The following TENM4 variants were observed in gnomAD, a reference collection of about 807,000 sequenced individuals.
TENM4 encodes the protein teneurin-4.
In TENM4, 82 loss-of-function variants were observed where a neutral mutation model predicts 243.3. That is an observed-to-expected ratio of 0.34 (90% CI 0.28 to 0.40). The LOEUF (loss-of-function observed/expected upper bound fraction) is 0.40. Ranked by LOEUF, TENM4 falls within the 10% of genes least tolerant of loss-of-function variation. The pLI, the probability that TENM4 is intolerant of heterozygous loss-of-function variation, is 1.00. For missense variants in TENM4, 3,138 were observed against 3,673.3 expected, an observed-to-expected ratio of 0.85 and a Z score of 3.77; for synonymous variants, 1,412 against 1,456.3, an observed-to-expected ratio of 0.97 and a Z score of 0.69.
chr11:78,751,899 A>G (rs1440464946), intron 19 of TENM4, among the ~76,000 whole-genome samples: 5 of 152,166 alleles, frequency 3.3e-5, no homozygotes, highest in Non-Finnish European at 7.3e-5. Context: ...CTAAGTGTCA[A>G]TAGTGGACAC....
chr11:79,271,915 CCA>C (rs989365783), intron 2 of TENM4, among the ~76,000 whole-genome samples: 1 of 152,154 alleles, frequency 6.6e-6, no homozygotes, highest in African/African-American at 2.4e-5. Flanking sequence ...CTGCTGTGTA[CCA>C]GAGACTATGT....
intron 15 of TENM4, among the ~76,000 whole-genome samples, chr11:78,791,113 G>A (rs1485101844): frequency 6.6e-6 from 1 of 152,134 alleles, no homozygotes; most frequent in Non-Finnish European, 1.5e-5. Context: ...TACAGCTTGG[G>A]AGTGCTTGGA....
chr11:78,987,557 T>C (rs905705539), intron 6 of TENM4, among the ~76,000 whole-genome samples: 11 of 152,246 alleles, frequency 7.2e-5, no homozygotes, highest in Admixed American at 4.6e-4. Flanking sequence ...ATTTGGGCTA[T>C]GGCTGCAGGG....
chr11:78,888,164 C>A (rs1020158639), intron 9 of TENM4, among the ~76,000 whole-genome samples: 1 of 152,180 alleles, frequency 6.6e-6, no homozygotes, highest in South Asian at 2.1e-4. Context: ...ATACAATGAC[C>A]CATAGCAGGG....
At chr11:79,351,218 C>T (rs1590901294) in intron 1 of TENM4, among the ~76,000 whole-genome samples, 1 of 152,192 alleles carries the variant, frequency 6.6e-6, no homozygotes, top group South Asian at 2.1e-4. Context: ...TCATCACAAC[C>T]TTCCTTATTT....
chr11:78,838,351 T>G (rs1226328983), intron 12 of TENM4, among the ~76,000 whole-genome samples: 4 of 152,188 alleles, frequency 2.6e-5, no homozygotes, highest in African/African-American at 9.7e-5. Context: ...TATATTTTCT[T>G]ACTCTGTGAT....
chr11:79,138,362 A>G lies in TENM4; in HGVS notation c.-66+10348T>C, dbSNP rs1862159033. Among the ~76,000 whole-genome samples, 3 of 124,532 alleles carry G rather than the reference A, an allele frequency of 2.4e-5. No individual in the cohort carries two copies. In the Admixed American group the frequency reaches 3.1e-4, roughly 13 times the overall value. 81.7% of individuals were successfully genotyped at this position (124,532 alleles called of 152,430 possible). Reference sequence around the variant, plus strand: ...TATAATATATAAAAATATATAATATATAATATAAATATAATATATATTATA... The same window carrying G: ...TATAATATATAAAAATATATAATATGTAATATAAATATAATATATATTATA... On this transcript the variant is annotated intron_variant, in intron 4 of 33. Transcript: ENST00000278550.
chr11:78,655,456 C>T lies in TENM4; in HGVS notation c.*2602G>A, dbSNP rs1010792199. 5 of 151,614 alleles carry T rather than the reference C, an allele frequency of 3.3e-5. No homozygotes were observed. The highest frequency in any genetic ancestry group is 1.3e-4 in the Admixed American group (2 of 15,214). 9.4% of individuals were successfully genotyped at this position (151,614 alleles called of 1,614,324 possible). On this transcript the variant is annotated 3_prime_UTR_variant, in exon 34 of 34. Transcript: ENST00000278550. ...AGCACTTCAGGAGGCCAAGGTGGATCGCCTGAGGCCAGGAGTTTGAGAACA... is the reference window on the plus strand; with the variant it reads ...AGCACTTCAGGAGGCCAAGGTGGATTGCCTGAGGCCAGGAGTTTGAGAACA...
chr11:78,877,563 A>G (rs919286097), intron 9 of TENM4, among the ~76,000 whole-genome samples: 1 of 152,192 alleles, frequency 6.6e-6, no homozygotes, highest in African/African-American at 2.4e-5. Flanking sequence ...TCCCTGGGCA[A>G]TGTTGTAAAA....
chr11:79,296,183 C>G (rs1856450097), intron 2 of TENM4, among the ~76,000 whole-genome samples: 1 of 152,184 alleles, frequency 6.6e-6, no homozygotes, highest in Admixed American at 6.5e-5. Flanking sequence ...AGCATAGCCT[C>G]TAATCCACAG....
intron 32 of TENM4, among the ~76,000 whole-genome samples, chr11:78,662,556 G>A (rs1348381873): frequency 6.6e-6 from 1 of 152,114 alleles, no homozygotes; most frequent in East Asian, 1.9e-4. Context: ...TAATTGATTT[G>A]ATAACATTCC....
chr11:78,864,550 C>T (rs1275148409), intron 9 of TENM4, among the ~76,000 whole-genome samples: 1 of 151,668 alleles, frequency 6.6e-6, no homozygotes, highest in African/African-American at 2.4e-5. Context: ...TGAACATTGT[C>T]CCTTGAGATA....
chr11:78,882,576 A>C (rs1459221298), intron 9 of TENM4, among the ~76,000 whole-genome samples: 1 of 152,224 alleles, frequency 6.6e-6, no homozygotes, highest in Admixed American at 6.5e-5. Context: ...ATGTCTTCTA[A>C]CTGAATTGCT....
chr11:78,790,337 T>C (rs1002432676), intron 15 of TENM4, among the ~76,000 whole-genome samples: 2 of 152,262 alleles, frequency 1.3e-5, no homozygotes. Context: ...CTGCCAATTA[T>C]GCAATTCATT....
intron 12 of TENM4, among the ~76,000 whole-genome samples, chr11:78,843,113 T>C (rs935403155): frequency 1.3e-5 from 2 of 152,034 alleles, no homozygotes; most frequent in Non-Finnish European, 2.9e-5. Context: ...ATCCCTTCTC[T>C]ACTAAAAATA....
intron 1 of TENM4, among the ~76,000 whole-genome samples, chr11:79,395,547 C>T (rs1475680410): frequency 6.6e-6 from 1 of 152,178 alleles, no homozygotes; most frequent in Admixed American, 6.5e-5. Context: ...TCACCAGCTC[C>T]GTGTTGTTGT....
chr11:79,386,797 T>G (rs1222708907), intron 1 of TENM4, among the ~76,000 whole-genome samples: 1 of 151,970 alleles, frequency 6.6e-6, no homozygotes, highest in Non-Finnish European at 1.5e-5. Flanking sequence ...ATTTTTTTAG[T>G]GAGCAAAAAT....
At chr11:78,986,950 A>T (rs1359710299) in intron 6 of TENM4, among the ~76,000 whole-genome samples, 1 of 152,216 alleles carries the variant, frequency 6.6e-6, no homozygotes, top group African/African-American at 2.4e-5. Context: ...AATGAAGATA[A>T]TTATATTCCC....
intron 3 of TENM4, among the ~76,000 whole-genome samples, chr11:79,156,966 C>G (rs1006377533): frequency 6.6e-6 from 1 of 152,158 alleles, no homozygotes; most frequent in Non-Finnish European, 1.5e-5. Flanking sequence ...TGGGGACCCT[C>G]TCTCTGATCT....
Sources: gnomAD v4.1 joint callset for allele counts (sites outside exome capture counted in the v4.1 genomes callset) on GRCh38, gnomAD v4.1.1 for gene constraint, MANE v1.5 for transcripts, NCBI Gene and HGNC (gene_info 2026-07-23, HGNC 2026-07-21) for gene names.